The following FNIP1 variants were observed in gnomAD, a reference collection of about 807,000 sequenced individuals.
FNIP1 encodes folliculin-interacting protein 1.
A neutral mutation model predicts 124.5 loss-of-function variants in FNIP1; 40 were observed. The ratio of observed to expected loss-of-function variants is 0.32; its 90% confidence interval spans 0.25 to 0.42. The LOEUF (loss-of-function observed/expected upper bound fraction) is 0.42. Ranked by LOEUF, FNIP1 falls within the 10% of genes least tolerant of loss-of-function variation. The pLI is 1.00. For synonymous variants in FNIP1, 472 were observed against 470.6 expected (o/e 1.00, Z -0.04); for missense variants, 1,176 against 1,403.7 (o/e 0.84, Z 2.59).
At chr5:131,734,544 T>A (rs141853254) in intron 2 of FNIP1, among the ~76,000 whole-genome samples, 1 of 151,552 alleles carries the variant, frequency 6.6e-6, no homozygotes, top group African/African-American at 2.4e-5. Flanking sequence ...TGGGAGAAAA[T>A]TTTTGCAACC....
intron 11 of FNIP1, among the ~76,000 whole-genome samples, chr5:131,689,999 T>C (rs997937389): frequency 1.3e-5 from 2 of 151,956 alleles, no homozygotes; most frequent in African/African-American, 4.8e-5. Flanking sequence ...GGAGGGTGGA[T>C]CGCGAGGTCA....
At chr5:131,748,710 A>AG (rs1770770059) in intron 1 of FNIP1, among the ~76,000 whole-genome samples, 5 of 118,142 alleles carry the variant, frequency 4.2e-5, no homozygotes, top group African/African-American at 1.2e-4. Context: ...AAAAAAAAAG[A>AG]AAAAAAAAAA....
chr5:131,790,907 G>A (rs1323787662), intron 1 of FNIP1, among the ~76,000 whole-genome samples: 1 of 152,162 alleles, frequency 6.6e-6, no homozygotes, highest in Non-Finnish European at 1.5e-5. Context: ...CTTAGAAGGA[G>A]GAGTGTAGAT....
At chr5:131,681,729 A>G (rs1014303589) in intron 11 of FNIP1, among the ~76,000 whole-genome samples, 1 of 150,716 alleles carries the variant, frequency 6.6e-6, no homozygotes, top group African/African-American at 2.4e-5. Flanking sequence ...ATGAAAAAAA[A>G]GGAACACAGA....
chr5:131,792,239 C>T (rs1772431171), intron 1 of FNIP1, among the ~76,000 whole-genome samples: 1 of 150,786 alleles, frequency 6.6e-6, no homozygotes, highest in Non-Finnish European at 1.5e-5. Context: ...CAGCTCACTG[C>T]AACCTCCGCC....
chr5:131,647,519 G>C (rs1766923873), intron 16 of FNIP1, among the ~76,000 whole-genome samples: 1 of 151,592 alleles, frequency 6.6e-6, no homozygotes, highest in Non-Finnish European at 1.5e-5. Context: ...CTGTTAACCA[G>C]GCTGGAGTGC....
intron 15 of FNIP1, among the ~76,000 whole-genome samples, chr5:131,663,153 T>C (rs1337109189): frequency 6.6e-6 from 1 of 152,240 alleles, no homozygotes; most frequent in Non-Finnish European, 1.5e-5. Context: ...CATAGAAGGT[T>C]ACCTCTAGTA....
At chr5:131,790,160 T>C (rs571084549) in intron 1 of FNIP1, among the ~76,000 whole-genome samples, 14 of 152,262 alleles carry the variant, frequency 9.2e-5, no homozygotes, top group Admixed American at 7.2e-4. Context: ...AATGTGAACT[T>C]GGGGGAGACA....
chr5:131,682,057 ATTTATT>A (rs1768104321), intron 11 of FNIP1, among the ~76,000 whole-genome samples: 1 of 152,178 alleles, frequency 6.6e-6, no homozygotes, highest in African/African-American at 2.4e-5. Context: ...GATAGGATTC[ATTTATT>A]TTTAATTATT....
intron 16 of FNIP1, among the ~76,000 whole-genome samples, chr5:131,649,244 G>A (rs959913117): frequency 3.9e-5 from 6 of 152,014 alleles, no homozygotes; most frequent in Admixed American, 6.6e-5. Flanking sequence ...ACTTTTCCAC[G>A]GCTCCAGCAC....
chr5:131,783,701 A>C (rs893222087), intron 1 of FNIP1, among the ~76,000 whole-genome samples: 1 of 152,112 alleles, frequency 6.6e-6, no homozygotes, highest in East Asian at 1.9e-4. Flanking sequence ...AAAACCCCCA[A>C]AAAGCTTCTT....
chr5:131,677,738 T>C lies in FNIP1; in HGVS notation c.1484A>G (p.Lys495Arg). 6.2e-7 allele frequency: 1 copy of C among 1,614,156 alleles called. No homozygotes were observed. The highest frequency in any genetic ancestry group is 8.5e-7 in the Non-Finnish European group (1 of 1,179,996). ...CCAAAGTGGGTTATATGGATGAGTC[T>C]TTGCCAACATGTCCACACTCTGAGA... ...HSSQSVDMLA[K>R]THPYNPLWAQ... Residue 495 changes from lysine to arginine, a missense_variant, in exon 13 of 18, where the codon AAG (lysine) becomes AGG (arginine). Physicochemically the swap from Lys to Arg is conservative, Grantham distance 26. This residue lies in a region of FNIP1 where 1,109 missense variants were observed against 1,288.5 expected (regional missense o/e 0.86). Coordinates refer to ENST00000510461, the MANE Select transcript of FNIP1 (RefSeq NM_133372.3).
At chr5:131,712,217 C>G (rs1363408264) in intron 6 of FNIP1, among the ~76,000 whole-genome samples, 3 of 151,668 alleles carry the variant, frequency 2.0e-5, no homozygotes, top group African/African-American at 7.2e-5. Flanking sequence ...TCTAAGTCAG[C>G]TAGGACCCCA....
intron 15 of FNIP1, among the ~76,000 whole-genome samples, chr5:131,664,091 T>C (rs1192727416): frequency 2.6e-5 from 4 of 152,122 alleles, no homozygotes; most frequent in African/African-American, 9.7e-5. Flanking sequence ...TATAAGCAAG[T>C]TTGCTAAGAT....
At chr5:131,662,733 ATTTTTT>A (rs34051607) in intron 15 of FNIP1, among the ~76,000 whole-genome samples, 3 of 76,980 alleles carry the variant, frequency 3.9e-5, no homozygotes, top group African/African-American at 1.6e-4. Flanking sequence ...GATATTCTAG[ATTTTTT>A]TTTTTTTTTT....
intron 15 of FNIP1, 102 bp downstream of exon 15, chr5:131,670,361 T>A: frequency 3.2e-6 from 3 of 924,826 alleles, no homozygotes; most frequent in Non-Finnish European, 4.8e-6. Context: ...AGAACAATGA[T>A]TGTGTTGTAA....
intron 2 of FNIP1, among the ~76,000 whole-genome samples, chr5:131,735,815 G>A (rs189378758): frequency 6.6e-6 from 1 of 151,626 alleles, no homozygotes; most frequent in East Asian, 1.9e-4. Context: ...GAATGTGTGT[G>A]TGTGTGTGTG....
chr5:131,764,084 T>G (rs2149573687), intron 1 of FNIP1, among the ~76,000 whole-genome samples: 1 of 152,054 alleles, frequency 6.6e-6, no homozygotes, highest in East Asian at 2.0e-4. Flanking sequence ...GTACGCCCCC[T>G]TGCCTTTTTT....
At chr5:131,755,464 G>C (rs1371219045) in intron 1 of FNIP1, among the ~76,000 whole-genome samples, 1 of 151,294 alleles carries the variant, frequency 6.6e-6, no homozygotes, top group Non-Finnish European at 1.5e-5. Flanking sequence ...AAAGAAAAAT[G>C]GTCTGAGGAG....
Sources: gnomAD v4.1 joint callset for allele counts (sites outside exome capture counted in the v4.1 genomes callset) on GRCh38, gnomAD v4.1.1 for gene constraint, gnomAD v4.1.1 regional missense constraint, MANE v1.5 for transcripts, NCBI Gene and HGNC (gene_info 2026-07-23, HGNC 2026-07-21) for gene names.